Variants in CUX1 observed in about 807,000 individuals in gnomAD.
The protein encoded by CUX1 is protein CASP.
In CUX1, 31 loss-of-function variants were observed where a neutral mutation model predicts 158.8. That is an observed-to-expected ratio of 0.20 (90% CI 0.15 to 0.26). The LOEUF is 0.26. Ranked by LOEUF, CUX1 falls within the 10% of genes least tolerant of loss-of-function variation. CUX1 has a pLI of 1.00. For synonymous variants in CUX1, 879 were observed against 862.1 expected (o/e 1.02, Z -0.34); for missense variants, 1,589 against 2,014.6 (o/e 0.79, Z 4.04).
At chr7:102,202,804 C>T (rs1186491512) in intron 18 of CUX1, among the ~76,000 whole-genome samples, 1 of 152,166 alleles carries the variant, frequency 6.6e-6, no homozygotes, top group African/African-American at 2.4e-5. Flanking sequence ...CAGGGTGGCC[C>T]GTGTTTCCCT....
At chr7:101,826,491 T>G (rs1793314218) in intron 1 of CUX1, among the ~76,000 whole-genome samples, 1 of 152,132 alleles carries the variant, frequency 6.6e-6, no homozygotes, top group Non-Finnish European at 1.5e-5. Flanking sequence ...GGTGAACCAC[T>G]GCGCCCGGCC....
intron 2 of CUX1, among the ~76,000 whole-genome samples, chr7:101,941,520 A>T (rs1472759934): frequency 1.3e-5 from 2 of 152,208 alleles, no homozygotes; most frequent in Non-Finnish European, 2.9e-5. Flanking sequence ...AAAATGAATG[A>T]TGCCAATGGA....
intron 2 of CUX1, among the ~76,000 whole-genome samples, chr7:101,934,359 T>C (rs1806671820): frequency 6.6e-6 from 1 of 152,226 alleles, no homozygotes; most frequent in South Asian, 2.1e-4. Flanking sequence ...GCGCTCCCAT[T>C]ATCAGAGATG....
chr7:102,197,638 CT>C (rs1287981966), intron 15 of CUX1, among the ~76,000 whole-genome samples: 1 of 152,100 alleles, frequency 6.6e-6, no homozygotes, highest in Non-Finnish European at 1.5e-5. Flanking sequence ...TCCAATTGGC[CT>C]TGGGTGCTGG....
At chr7:102,127,590 T>TA (rs1554495757) in intron 8 of CUX1, among the ~76,000 whole-genome samples, 9 of 152,188 alleles carry the variant, frequency 5.9e-5, no homozygotes, top group South Asian at 2.1e-4. Context: ...TTTTTTTTTT[T>TA]ACCTGACATG....
intron 22 of CUX1, among the ~76,000 whole-genome samples, chr7:102,236,874 CTT>C (rs1326442523): frequency 6.6e-6 from 1 of 152,224 alleles, no homozygotes; most frequent in African/African-American, 2.4e-5. Context: ...GGGGCGCCCT[CTT>C]GTGTTACAAA....
At chr7:102,205,675 C>T (rs1411011905) in intron 20 of CUX1, among the ~76,000 whole-genome samples, 3 of 152,132 alleles carry the variant, frequency 2.0e-5, no homozygotes, top group Non-Finnish European at 2.9e-5. Flanking sequence ...CAGGTGTGAA[C>T]GAATGGAGAG....
At chr7:102,096,050 G>T (rs1293479127) in intron 4 of CUX1, among the ~76,000 whole-genome samples, 1 of 152,264 alleles carries the variant, frequency 6.6e-6, no homozygotes, top group Non-Finnish European at 1.5e-5. Flanking sequence ...TCTGACTTTG[G>T]ATTAAAATCC....
At position 102,201,248 on chromosome 7, in the gene CUX1, G is replaced by A. The variant is rs117206331; in HGVS notation, c.2063-112G>A. On this transcript the variant is annotated intron_variant, in intron 17 of 23. Transcript: ENST00000292535. The surrounding 1 kb of genome is among the most constrained non-coding windows in gnomAD (Gnocchi z 5.0). ...GGGCCATGCTGGGGAAATACACAGT[G>A]TGGTTCTCCCAAATAACCCACACTT... is the stretch of plus-strand genomic sequence containing the variant. 7,737 of 1,458,226 alleles carry A rather than the reference G, an allele frequency of 5.3e-3. 29 individuals carry two copies. Among genetic ancestry groups the A allele is most frequent in the Non-Finnish European group, 6.2e-3 (6,707 of 1,078,206 alleles). The allele number at this position is 1,458,226 out of a possible 1,614,324, so 90.3% of individuals were successfully genotyped here. A position where few individuals can be genotyped will look rare whatever the true frequency, so the allele number is the denominator to read the frequency against.
intron 23 of CUX1, among the ~76,000 whole-genome samples, chr7:102,242,486 C>T (rs1254284480): frequency 6.6e-6 from 1 of 152,220 alleles, no homozygotes; most frequent in East Asian, 1.9e-4. Context: ...TCTGGGATTA[C>T]AGGCGTGAGC....
intron 8 of CUX1, among the ~76,000 whole-genome samples, chr7:102,127,330 C>A (rs1325286498): frequency 6.6e-6 from 1 of 152,194 alleles, no homozygotes; most frequent in African/African-American, 2.4e-5. Context: ...CCTCAGCCTC[C>A]CGAGTAGCTA....
intron 2 of CUX1, among the ~76,000 whole-genome samples, chr7:101,957,473 C>G (rs1809917735): frequency 6.6e-6 from 1 of 152,138 alleles, no homozygotes; most frequent in African/African-American, 2.4e-5. Flanking sequence ...GTAATCCCAG[C>G]ACTTTGGGAG....
intron 1 of CUX1, among the ~76,000 whole-genome samples, chr7:101,820,766 G>A (rs1011557427): frequency 3.3e-5 from 5 of 152,156 alleles, no homozygotes; most frequent in African/African-American, 9.7e-5. Flanking sequence ...CGGAAGAATT[G>A]TTTTGTGTAA....
At chr7:102,187,540 C>G (rs1793764834) in intron 11 of CUX1, among the ~76,000 whole-genome samples, 1 of 152,156 alleles carries the variant, frequency 6.6e-6, no homozygotes, top group African/African-American at 2.4e-5. Flanking sequence ...CCTTCTTGGT[C>G]TGTGCCATGC....
Position 102,252,436 on chromosome 7 carries a change from C to G in CUX1, c.*3394C>G, listed in dbSNP as rs782800315. 4 of 985,468 alleles carry G rather than the reference C, an allele frequency of 4.1e-6. No individual in the cohort carries two copies. Among genetic ancestry groups the G allele is most frequent in the Non-Finnish European group, 4.8e-6 (4 of 829,948 alleles). 61.0% of individuals were successfully genotyped at this position (985,468 alleles called of 1,614,324 possible). Reference sequence around the variant, plus strand: ...GAGTTTAAAAAGCTGATTTGTACCTCTCCCCTGGGGGAAACGGTTCCATAT... The same window carrying G: ...GAGTTTAAAAAGCTGATTTGTACCTGTCCCCTGGGGGAAACGGTTCCATAT... On this transcript the variant is annotated 3_prime_UTR_variant, in exon 24 of 24. Coordinates refer to ENST00000292535, the MANE Select transcript of CUX1 (RefSeq NM_181552.4).
chr7:102,180,402 G>A (rs1292441273), intron 11 of CUX1, among the ~76,000 whole-genome samples: 4 of 145,404 alleles, frequency 2.8e-5, no homozygotes, highest in South Asian at 2.2e-4. Flanking sequence ...CGGCAACCTC[G>A]AAGTCTCGGG....
chr7:102,194,049 ATC>A, intron 13 of CUX1, 159 bp downstream of exon 13: 1 of 746,472 alleles, frequency 1.3e-6, no homozygotes, highest in South Asian at 1.8e-5. Context: ...GAAGCAAATT[ATC>A]TTTTTTTTTT....
At chr7:101,935,959 C>A (rs1187008275) in intron 2 of CUX1, among the ~76,000 whole-genome samples, 3 of 152,126 alleles carry the variant, frequency 2.0e-5, no homozygotes, top group African/African-American at 7.2e-5. Context: ...GAGGACTCTG[C>A]GAGAAACACG....
At chr7:102,281,190 C>G (rs1482341231) in intron 20 of CUX1, among the ~76,000 whole-genome samples, 1 of 151,012 alleles carries the variant, frequency 6.6e-6, no homozygotes, top group Non-Finnish European at 1.5e-5. Flanking sequence ...CTGGGCAACA[C>G]AGTAAGATCC....
Sources: gnomAD v4.1 joint callset for allele counts (sites outside exome capture counted in the v4.1 genomes callset) on GRCh38, gnomAD v4.1.1 for gene constraint, Gnocchi (gnomAD v3.1) non-coding constraint, MANE v1.5 for transcripts, NCBI Gene and HGNC (gene_info 2026-07-23, HGNC 2026-07-21) for gene names.